Variants in GALNTL5 observed in about 807,000 individuals in gnomAD.
The protein encoded by GALNTL5 is inactive polypeptide N-acetylgalactosaminyltransferase-like protein 5.
GALNTL5 carries 44 observed loss-of-function variants against 51.0 expected under a neutral mutation model. That is an observed-to-expected ratio of 0.86 (90% confidence interval 0.68 to 1.11). The LOEUF is 1.11. GALNTL5 is among the 50% of genes least tolerant of loss of function. The pLI, the probability that GALNTL5 is intolerant of heterozygous loss-of-function variation, is 0.00. For synonymous variants in GALNTL5, 192 were observed against 182.8 expected (o/e 1.05, Z -0.41); for missense variants, 528 against 531.8 (o/e 0.99, Z 0.07).
intron 6 of GALNTL5, among the ~76,000 whole-genome samples, chr7:152,007,376 A>G (rs1376685562): frequency 2.6e-5 from 4 of 151,266 alleles, no homozygotes; most frequent in Non-Finnish European, 4.4e-5. Context: ...TATATACTTA[A>G]ATGTATAATA....
At chr7:151,984,855 A>G (rs892326712) in intron 4 of GALNTL5, among the ~76,000 whole-genome samples, 1 of 152,156 alleles carries the variant, frequency 6.6e-6, no homozygotes, top group Non-Finnish European at 1.5e-5. Context: ...CCATGGAGAC[A>G]CAGTGCCAGG....
rs371151749 is a variant in GALNTL5 at position 151,976,917 on chromosome 7, C to T, written c.368+5852C>T. On this transcript the variant is annotated intron_variant, in intron 3 of 8. Coordinates refer to ENST00000392800, the MANE Select transcript of GALNTL5 (RefSeq NM_145292.4). ...TCCTGACCTCAGGTGATCCAACCACCTTGGCCTCCCAAAGTGCTGGGATTA... is the reference window on the plus strand; with the variant it reads ...TCCTGACCTCAGGTGATCCAACCACTTTGGCCTCCCAAAGTGCTGGGATTA... Among the ~76,000 whole-genome samples, 50 of 152,280 alleles carry T rather than the reference C, an allele frequency of 3.3e-4. 2 individuals are homozygous for T. In the South Asian group the frequency reaches 0.01, roughly 31 times the overall value.
intron 5 of GALNTL5, among the ~76,000 whole-genome samples, chr7:151,989,981 G>T (rs2081407348): frequency 6.6e-6 from 1 of 152,248 alleles, no homozygotes; most frequent in African/African-American, 2.4e-5. Flanking sequence ...GAGAATATCG[G>T]TCCTCAGGCT....
chr7:151,958,928 G>A (rs1297864419), intron 1 of GALNTL5, among the ~76,000 whole-genome samples: 6 of 152,144 alleles, frequency 3.9e-5, no homozygotes, highest in Admixed American at 1.3e-4. Context: ...CCAACATGGG[G>A]CTGAGTCTGG....
At chr7:151,980,364 G>C (rs1158429926) in intron 3 of GALNTL5, among the ~76,000 whole-genome samples, 1 of 152,164 alleles carries the variant, frequency 6.6e-6, no homozygotes, top group East Asian at 1.9e-4. Context: ...GATGACAGGC[G>C]TGAGCCATTT....
At chr7:152,014,931 A>G in intron 8 of GALNTL5, 138 bp downstream of exon 8, 1 of 696,794 alleles carries the variant, frequency 1.4e-6, no homozygotes, top group Non-Finnish European at 2.3e-6. Flanking sequence ...ACAGGAACGG[A>G]AAACCAAATA....
intron 1 of GALNTL5, among the ~76,000 whole-genome samples, chr7:151,961,664 T>A (rs565781073): frequency 6.6e-6 from 1 of 152,256 alleles, no homozygotes; most frequent in African/African-American, 2.4e-5. Context: ...GAGCTTGGAT[T>A]TACCTGCAGG....
At chr7:151,972,731 G>A (rs553970524) in intron 3 of GALNTL5, among the ~76,000 whole-genome samples, 21 of 152,304 alleles carry the variant, frequency 1.4e-4, no homozygotes, top group African/African-American at 5.1e-4. Context: ...TTGGGCCTGT[G>A]GTGCACAGAA....
intron 6 of GALNTL5, among the ~76,000 whole-genome samples, 164 bp from the exon 7 acceptor site, chr7:152,007,663 C>A (rs1343887670): frequency 6.6e-6 from 1 of 152,048 alleles, no homozygotes; most frequent in Non-Finnish European, 1.5e-5. Flanking sequence ...CGTAATGCAC[C>A]CGCCTCGGCC....
chr7:152,002,589 A>G, intron 5 of GALNTL5, 125 bp from the exon 6 acceptor site: 1 of 919,126 alleles, frequency 1.1e-6, no homozygotes, highest in Non-Finnish European at 1.6e-6. Context: ...AATGAAAATG[A>G]AAGCACTGTA....
rs549992981 is a variant in GALNTL5, at chr7:151,980,997, A to G, written c.369-1989A>G. ...CCTGACCTCGTGATCCGCCCTCCTCAGCCTCCCAAAGTGCTGGGATTACAG... is the reference window on the plus strand; with the variant it reads ...CCTGACCTCGTGATCCGCCCTCCTCGGCCTCCCAAAGTGCTGGGATTACAG... On this transcript the variant is annotated intron_variant, in intron 3 of 8. Transcript: ENST00000392800. Among the ~76,000 whole-genome samples, 324 of 151,876 alleles carry G rather than the reference A, an allele frequency of 2.1e-3. 1 individual carries two copies. The highest frequency in any genetic ancestry group is 6.4e-3 in the African/African-American group (263 of 41,344).
chr7:151,995,894 C>A (rs1017385810), intron 5 of GALNTL5, among the ~76,000 whole-genome samples: 12 of 152,024 alleles, frequency 7.9e-5, no homozygotes, highest in African/African-American at 2.9e-4. Flanking sequence ...AGCTAAGCTC[C>A]CGAAAGATTA....
chr7:152,004,341 A>G (rs2081617282), intron 6 of GALNTL5, among the ~76,000 whole-genome samples: 1 of 150,168 alleles, frequency 6.7e-6, no homozygotes, highest in Non-Finnish European at 1.5e-5. Flanking sequence ...TATTATACAT[A>G]TTACATATAT....
chr7:151,968,689 A>G (rs2081090024), intron 2 of GALNTL5, among the ~76,000 whole-genome samples: 1 of 152,252 alleles, frequency 6.6e-6, no homozygotes, highest in Non-Finnish European at 1.5e-5. Flanking sequence ...TGCCAAGTGA[A>G]ACAAGTATTG....
chr7:151,991,571 T>C (rs2081429483), intron 5 of GALNTL5, among the ~76,000 whole-genome samples: 1 of 152,232 alleles, frequency 6.6e-6, no homozygotes. Context: ...ATTTCTTCAT[T>C]GGTTGCAATG....
chr7:151,957,142 GAA>G (rs71198743), intron 1 of GALNTL5, among the ~76,000 whole-genome samples: 9,918 of 100,004 alleles, frequency 0.099, 307 homozygotes, highest in Non-Finnish European at 0.13. Flanking sequence ...TCTGTCTCGA[GAA>G]AAAAAAAAAA....
chr7:152,010,819 T>G (rs1340240462), intron 7 of GALNTL5, among the ~76,000 whole-genome samples: 1 of 151,938 alleles, frequency 6.6e-6, no homozygotes, highest in African/African-American at 2.4e-5. Flanking sequence ...ATACAGAGTA[T>G]TATGGGACCC....
chr7:151,971,411 T>G (rs548007740), intron 3 of GALNTL5, among the ~76,000 whole-genome samples: 1 of 152,320 alleles, frequency 6.6e-6, no homozygotes, highest in African/African-American at 2.4e-5. Flanking sequence ...CAGCTACTTT[T>G]TATTCCCCAA....
chr7:151,995,783 G>T (rs58728122), intron 5 of GALNTL5, among the ~76,000 whole-genome samples: 18,668 of 151,944 alleles, frequency 0.12, 1,665 homozygotes, highest in East Asian at 0.32. Context: ...ATACATAAAA[G>T]TAAAAGAAAT....
Sources: allele counts gnomAD v4.1 joint callset (sites outside exome capture counted in the v4.1 genomes callset), GRCh38; gene constraint gnomAD v4.1.1; transcripts MANE v1.5; gene names NCBI Gene and HGNC (gene_info 2026-07-23, HGNC 2026-07-21).